CNOT4: variants seen among roughly 807,000 people sequenced by gnomAD.
CNOT4 encodes the protein CCR4-associated factor 4.
CNOT4 carries 8 observed loss-of-function variants against 73.8 expected under a neutral mutation model. The observed-to-expected ratio is 0.11, with a 90% CI of 0.06 to 0.20. The LOEUF is 0.20. Among genes scored for constraint, CNOT4 ranks in the 10% least tolerant of loss-of-function variants. The pLI, the probability that CNOT4 is intolerant of heterozygous loss-of-function variation, is 1.00. For missense variants in CNOT4, 564 were observed against 883.4 expected (o/e 0.64, Z 4.58); for synonymous variants, 293 against 321.1 (o/e 0.91, Z 0.94).
chr7:135,441,702 G>C (rs2129485494), intron 1 of CNOT4, among the ~76,000 whole-genome samples: 1 of 152,230 alleles, frequency 6.6e-6, no homozygotes, highest in East Asian at 1.9e-4. Context: ...GCAATACATT[G>C]GGGCTTATGA....
At chr7:135,411,681 T>A (rs1170817380) in intron 6 of CNOT4, among the ~76,000 whole-genome samples, 2 of 152,002 alleles carry the variant, frequency 1.3e-5, no homozygotes, top group Non-Finnish European at 2.9e-5. Flanking sequence ...TTACTTACCT[T>A]CAGGGATGTT....
chr7:135,387,233 T>A (rs536357989), intron 10 of CNOT4: 1 of 984,940 alleles, frequency 1.0e-6, no homozygotes, highest in South Asian at 4.7e-5. Context: ...CACTTCTAGA[T>A]AGAAATTAGA....
chr7:135,429,658 C>T (rs1585630515), intron 2 of CNOT4, among the ~76,000 whole-genome samples: 1 of 152,290 alleles, frequency 6.6e-6, no homozygotes, highest in South Asian at 2.1e-4. Context: ...ATGTTATTTA[C>T]ACTCTTCCAC....
chr7:135,468,540 G>T (rs928243048), intron 1 of CNOT4, among the ~76,000 whole-genome samples: 3 of 152,050 alleles, frequency 2.0e-5, no homozygotes, highest in African/African-American at 4.8e-5. Context: ...AGTTAGCCAG[G>T]TGTGGTGGTG....
Position 135,364,121 on chromosome 7 carries a change from T to G in CNOT4, c.1628-55A>C. ...GATAAAAAAAAATAAAAAGCTACGTTAGAAACATATGTTGTTCTTTAGTGG... is the reference window on the plus strand; with the variant it reads ...GATAAAAAAAAATAAAAAGCTACGTGAGAAACATATGTTGTTCTTTAGTGG... On this transcript the variant is annotated intron_variant, in intron 10 of 11. Coordinates refer to ENST00000541284, the MANE Select transcript of CNOT4 (RefSeq NM_001190850.2). The surrounding 1 kb of genome is among the most constrained non-coding windows in gnomAD (Gnocchi z 4.3). 1 of 1,276,408 alleles carries G rather than the reference T, an allele frequency of 7.8e-7. No homozygotes were observed. Among genetic ancestry groups the G allele is most frequent in the Non-Finnish European group, 1.1e-6 (1 of 908,034 alleles). 79.1% of individuals were successfully genotyped at this position (1,276,408 alleles called of 1,614,324 possible). A position where few individuals can be genotyped will look rare whatever the true frequency, so the allele number is the denominator to read the frequency against.
intron 1 of CNOT4, among the ~76,000 whole-genome samples, chr7:135,471,426 TTA>T (rs1375164181): frequency 1.3e-5 from 2 of 152,320 alleles, no homozygotes; most frequent in Middle Eastern, 3.4e-3. Flanking sequence ...TATTTTGCAA[TTA>T]TTATGAGTTG....
intron 10 of CNOT4, among the ~76,000 whole-genome samples, chr7:135,385,954 A>G (rs1030990322): frequency 2.0e-5 from 3 of 152,208 alleles, no homozygotes; most frequent in African/African-American, 7.2e-5. Flanking sequence ...ATAAGGGGAG[A>G]GTACACAAAA....
chr7:135,467,130 T>C (rs561717476), intron 1 of CNOT4, among the ~76,000 whole-genome samples: 1 of 152,344 alleles, frequency 6.6e-6, no homozygotes, highest in Admixed American at 6.5e-5. Flanking sequence ...ATTAGGCATA[T>C]ACTATGTATC....
At chr7:135,479,789 C>CTGAG (rs1428019072) in intron 1 of CNOT4, among the ~76,000 whole-genome samples, 1 of 151,964 alleles carries the variant, frequency 6.6e-6, no homozygotes, top group Non-Finnish European at 1.5e-5. Flanking sequence ...ACTCGAGAGG[C>CTGAG]TGAGGCAGGA....
chr7:135,438,787 T>G (rs1338510200), intron 1 of CNOT4, among the ~76,000 whole-genome samples: 1 of 152,206 alleles, frequency 6.6e-6, no homozygotes, highest in Non-Finnish European at 1.5e-5. Flanking sequence ...ACTAGAAGAC[T>G]ATTACACTAT....
At chr7:135,432,304 A>G (rs1593209) in intron 2 of CNOT4, among the ~76,000 whole-genome samples, 1 of 152,192 alleles carries the variant, frequency 6.6e-6, no homozygotes, top group Non-Finnish European at 1.5e-5. Flanking sequence ...AGGAAAAAAA[A>G]ATATATCATG....
intron 2 of CNOT4, among the ~76,000 whole-genome samples, chr7:135,433,481 C>T (rs575091711): frequency 2.2e-4 from 33 of 151,400 alleles, no homozygotes; most frequent in South Asian, 2.1e-3. Flanking sequence ...CTTAGCCTCC[C>T]GAGTAGCTGG....
At chr7:135,387,331 G>A in intron 10 of CNOT4, 1 of 985,180 alleles carries the variant, frequency 1.0e-6, no homozygotes, top group African/African-American at 1.7e-5. Context: ...CAAATCTAAG[G>A]ATATCTAAGA....
At chr7:135,476,742 C>T (rs1423372635) in intron 1 of CNOT4, among the ~76,000 whole-genome samples, 2 of 152,200 alleles carry the variant, frequency 1.3e-5, no homozygotes, top group South Asian at 2.1e-4. Flanking sequence ...GAGGCCAAGG[C>T]GGGCAGATCA....
At chr7:135,379,776 T>C (rs1009674783) in intron 10 of CNOT4, among the ~76,000 whole-genome samples, 1 of 152,148 alleles carries the variant, frequency 6.6e-6, no homozygotes. Context: ...ATACTAAACA[T>C]ATAGATGTAA....
chr7:135,420,756 T>C (rs1585617380), intron 3 of CNOT4, among the ~76,000 whole-genome samples: 1 of 151,594 alleles, frequency 6.6e-6, no homozygotes, highest in East Asian at 1.9e-4. Context: ...AAAGGATTAG[T>C]GCAAAGTTGA....
At chr7:135,430,873 C>T (rs1416617711) in intron 2 of CNOT4, among the ~76,000 whole-genome samples, 1 of 152,166 alleles carries the variant, frequency 6.6e-6, no homozygotes, top group Non-Finnish European at 1.5e-5. Context: ...TAATGCCTTC[C>T]TGCTAAGATT....
chr7:135,402,437 T>C (rs980859007), intron 7 of CNOT4, among the ~76,000 whole-genome samples: 1 of 152,160 alleles, frequency 6.6e-6, no homozygotes, highest in Non-Finnish European at 1.5e-5. Flanking sequence ...GGAGGAAATA[T>C]TTGTAAATTA....
intron 1 of CNOT4, among the ~76,000 whole-genome samples, chr7:135,457,445 G>T (rs1800612490): frequency 6.6e-6 from 1 of 152,116 alleles, no homozygotes; most frequent in South Asian, 2.1e-4. Flanking sequence ...ATGATACACA[G>T]TATCTCGCAT....
Sources: gnomAD v4.1 joint callset for allele counts (sites outside exome capture counted in the v4.1 genomes callset) on GRCh38, gnomAD v4.1.1 for gene constraint, Gnocchi (gnomAD v3.1) non-coding constraint, MANE v1.5 for transcripts, NCBI Gene and HGNC (gene_info 2026-07-23, HGNC 2026-07-21) for gene names.